Variants in PARD3 observed in about 807,000 individuals in gnomAD.
PARD3 encodes par-3 family cell polarity regulator.
A neutral mutation model predicts 155.4 loss-of-function variants in PARD3; 75 were observed. The observed-to-expected ratio is 0.48, with a 90% CI of 0.40 to 0.58. The LOEUF (loss-of-function observed/expected upper bound fraction) is 0.58, where lower values mean the gene tolerates loss of function less well. PARD3 is among the 20% of genes least tolerant of loss of function. The pLI is 0.00. For missense variants in PARD3, 1,642 were observed against 1,721.7 expected (o/e 0.95, Z 0.82); for synonymous variants, 576 against 610.5 (o/e 0.94, Z 0.83).
intron 2 of PARD3, among the ~76,000 whole-genome samples, chr10:34,536,105 C>T (rs971306729): frequency 6.6e-6 from 1 of 152,168 alleles, no homozygotes; most frequent in South Asian, 2.1e-4. Flanking sequence ...TCAAAACTCT[C>T]GTTGAAAGAC....
At chr10:34,124,074 C>T (rs1045342573) in intron 23 of PARD3, among the ~76,000 whole-genome samples, 3 of 151,938 alleles carry the variant, frequency 2.0e-5, no homozygotes, top group South Asian at 2.1e-4. Flanking sequence ...TGGGTGTGCA[C>T]GTGTATATAT....
At chr10:34,561,505 T>C (rs2085466432) in intron 2 of PARD3, among the ~76,000 whole-genome samples, 1 of 151,996 alleles carries the variant, frequency 6.6e-6, no homozygotes, top group African/African-American at 2.4e-5. Context: ...GTAACGCACA[T>C]TTATTTTTTT....
intron 1 of PARD3, among the ~76,000 whole-genome samples, chr10:34,746,772 T>C (rs1183636823): frequency 6.6e-6 from 1 of 152,220 alleles, no homozygotes; most frequent in African/African-American, 2.4e-5. Flanking sequence ...CAGGAATTTA[T>C]TTGCTTCTAC....
chr10:34,196,413 TG>T (rs1339661068), intron 22 of PARD3, among the ~76,000 whole-genome samples: 1 of 152,188 alleles, frequency 6.6e-6, no homozygotes, highest in Non-Finnish European at 1.5e-5. Context: ...CTGGTTCTTA[TG>T]TTGATGACAA....
At chr10:34,658,603 A>T (rs2133124172) in intron 2 of PARD3, among the ~76,000 whole-genome samples, 1 of 152,250 alleles carries the variant, frequency 6.6e-6, no homozygotes, top group Admixed American at 6.5e-5. Context: ...GGGGGCCTAA[A>T]GATGTGGACA....
chr10:34,485,901 C>T (rs2079420338), intron 3 of PARD3, among the ~76,000 whole-genome samples: 1 of 143,582 alleles, frequency 7.0e-6, no homozygotes, highest in African/African-American at 2.6e-5. Context: ...TATAATGTGG[C>T]TGTTTAAACG....
intron 22 of PARD3, among the ~76,000 whole-genome samples, chr10:34,259,384 C>G (rs1189329281): frequency 6.6e-6 from 1 of 152,128 alleles, no homozygotes; most frequent in African/African-American, 2.4e-5. Context: ...GGAGAATCTG[C>G]TTCCTCGCTT....
At chr10:34,492,879 A>G (rs568004580) in intron 3 of PARD3, among the ~76,000 whole-genome samples, 1 of 152,374 alleles carries the variant, frequency 6.6e-6, no homozygotes, top group South Asian at 2.1e-4. Context: ...CCAATATAGT[A>G]GCTGCAGGCA....
At chr10:34,482,690 C>A (rs914312140) in intron 3 of PARD3, among the ~76,000 whole-genome samples, 3 of 152,088 alleles carry the variant, frequency 2.0e-5, no homozygotes, top group East Asian at 1.9e-4. Context: ...TTTCTAGATT[C>A]TTTTTGTACT....
Position 34,317,154 on chromosome 10 carries a change from T to A in PARD3, c.3018A>T (p.Lys1006Asn). 1 of 1,588,138 alleles carries A rather than the reference T, an allele frequency of 6.3e-7. No homozygotes were observed. The highest frequency in any genetic ancestry group is 8.6e-7 in the Non-Finnish European group (1 of 1,165,884). ...KKKDRDKEKDKMKAKKGMLKG... is the reference protein window; with the variant it reads ...KKKDRDKEKDNMKAKKGMLKG... ...TCAGCATTCCCTTCTTGGCTTTCAT[T>A]TTATCCTTCTCCTTATCTCTATCTT... The change falls in exon 20 of 25, where the codon AAA (lysine) becomes AAT (asparagine). Residue 1006 changes from lysine (K) to asparagine (N), a missense_variant. This residue lies in a region of PARD3 where 1,529 missense variants were observed against 1,587.3 expected (regional missense o/e 0.96). Coordinates refer to ENST00000374788, the MANE Select transcript of PARD3 (RefSeq NM_001184785.2).
chr10:34,598,854 C>T (rs1213724248), intron 2 of PARD3, among the ~76,000 whole-genome samples: 2 of 152,146 alleles, frequency 1.3e-5, no homozygotes, highest in African/African-American at 4.8e-5. Flanking sequence ...AAAGCATTCC[C>T]AAGACTGAAA....
intron 22 of PARD3, among the ~76,000 whole-genome samples, chr10:34,219,949 A>G: frequency 6.6e-6 from 1 of 152,166 alleles, no homozygotes. Context: ...TCATTTCATG[A>G]CCTTTTTGTT....
chr10:34,788,154 T>C (rs181771523), intron 1 of PARD3, among the ~76,000 whole-genome samples: 14 of 152,196 alleles, frequency 9.2e-5, no homozygotes, highest in African/African-American at 2.2e-4. Flanking sequence ...CGTGGACAGA[T>C]AGGAAGTTAT....
At chr10:34,682,147 CA>C (rs1359825837) in intron 2 of PARD3, among the ~76,000 whole-genome samples, 3 of 152,134 alleles carry the variant, frequency 2.0e-5, no homozygotes, top group African/African-American at 7.2e-5. Flanking sequence ...GTGCTGATAA[CA>C]AAATGCCTGA....
At chr10:34,228,566 T>C (rs978447024) in intron 22 of PARD3, among the ~76,000 whole-genome samples, 9 of 152,072 alleles carry the variant, frequency 5.9e-5, no homozygotes, top group Admixed American at 3.3e-4. Context: ...AAGACTAGAT[T>C]GTGGTGACAG....
At chr10:34,427,220 G>A (rs1177231899) in intron 5 of PARD3, among the ~76,000 whole-genome samples, 1 of 152,160 alleles carries the variant, frequency 6.6e-6, no homozygotes, top group East Asian at 1.9e-4. Context: ...CTGTGGGCCG[G>A]GCATATTTCT....
At chr10:34,599,036 C>A (rs2089538065) in intron 2 of PARD3, among the ~76,000 whole-genome samples, 2 of 152,102 alleles carry the variant, frequency 1.3e-5, no homozygotes, top group African/African-American at 4.8e-5. Context: ...GCTAAACTGA[C>A]CCAATCAACA....
intron 1 of PARD3, among the ~76,000 whole-genome samples, chr10:34,732,948 G>A (rs927790764): frequency 3.3e-5 from 5 of 152,080 alleles, no homozygotes; most frequent in Non-Finnish European, 7.3e-5. Context: ...CCAGGCAGAC[G>A]AGGGACCCAC....
intron 21 of PARD3, among the ~76,000 whole-genome samples, chr10:34,274,523 C>T (rs979426431): frequency 6.6e-6 from 1 of 152,146 alleles, no homozygotes; most frequent in African/African-American, 2.4e-5. Context: ...ACTTATCTGA[C>T]AACCCACTAT....
Sources: gnomAD v4.1 joint callset for allele counts (sites outside exome capture counted in the v4.1 genomes callset) on GRCh38, gnomAD v4.1.1 for gene constraint, gnomAD v4.1.1 regional missense constraint, MANE v1.5 for transcripts, NCBI Gene and HGNC (gene_info 2026-07-23, HGNC 2026-07-21) for gene names.